Variants in AGMO observed in about 807,000 individuals in gnomAD.
The protein encoded by AGMO is glyceryl-ether monooxygenase.
A neutral mutation model predicts 60.2 loss-of-function variants in AGMO; 75 were observed. That is an observed-to-expected ratio of 1.25 (90% CI 1.03 to 1.51). The LOEUF (loss-of-function observed/expected upper bound fraction) is 1.51, where lower values mean the gene tolerates loss of function less well. Ranked by LOEUF, AGMO falls within the 40% of genes most tolerant of loss-of-function variation. The pLI is 0.00. For missense variants in AGMO, 763 were observed against 525.5 expected (o/e 1.45, Z -4.42); for synonymous variants, 261 against 177.1 (o/e 1.47, Z -3.76).
intron 10 of AGMO, among the ~76,000 whole-genome samples, chr7:15,385,094 G>A (rs1351369724): frequency 6.6e-6 from 1 of 152,150 alleles, no homozygotes; most frequent in East Asian, 1.9e-4. Flanking sequence ...AGGTAAGTAT[G>A]TTGAAACTGA....
chr7:15,355,711 G>A (rs1782505760), intron 12 of AGMO, among the ~76,000 whole-genome samples: 1 of 151,964 alleles, frequency 6.6e-6, no homozygotes, highest in Non-Finnish European at 1.5e-5. Flanking sequence ...AATAATAATG[G>A]ATGGTATAAT....
intron 5 of AGMO, among the ~76,000 whole-genome samples, chr7:15,395,482 T>C (rs1388796871): frequency 1.3e-5 from 2 of 151,892 alleles, no homozygotes; most frequent in Non-Finnish European, 2.9e-5. Flanking sequence ...TAGGAAAAAA[T>C]ATTTTCATTG....
At chr7:15,235,491 T>A (rs1782390016) in intron 12 of AGMO, among the ~76,000 whole-genome samples, 1 of 152,300 alleles carries the variant, frequency 6.6e-6, no homozygotes, top group East Asian at 1.9e-4. Context: ...CAGAGTATTA[T>A]AATTAAAAAT....
At chr7:15,317,013 T>G (rs1029554448) in intron 12 of AGMO, among the ~76,000 whole-genome samples, 1 of 152,194 alleles carries the variant, frequency 6.6e-6, no homozygotes, top group Non-Finnish European at 1.5e-5. Flanking sequence ...ATCAAGCATA[T>G]CCACATGTGG....
At chr7:15,492,892 T>A (rs1783105956) in intron 3 of AGMO, among the ~76,000 whole-genome samples, 1 of 152,158 alleles carries the variant, frequency 6.6e-6, no homozygotes. Flanking sequence ...CTCTGTCTTC[T>A]CCTACATCTT....
the AGMO span, among the ~76,000 whole-genome samples, chr7:15,137,832 C>T: frequency 6.6e-6 from 1 of 152,048 alleles, no homozygotes; most frequent in African/African-American, 2.4e-5. Context: ...AGAGCAGAAT[C>T]ATAGGTTAAG....
rs547322402 is a variant in AGMO at position 15,397,554 on chromosome 7, C to T, written c.610-3375G>A. Among the ~76,000 whole-genome samples the T allele has an allele frequency of 1.3e-3, 203 of 152,320 alleles. 1 individual carries two copies. The highest frequency in any genetic ancestry group is 3.3e-3 in the South Asian group (16 of 4,830). ...AGCAAGGGCTGCTAGCACGTTGTTA[C>T]CTCTCACTACCTACCTTACTTTCCT... On this transcript the variant is annotated intron_variant, in intron 5 of 12. Transcript: ENST00000342526.
intron 12 of AGMO, among the ~76,000 whole-genome samples, chr7:15,324,354 T>A (rs1781273298): frequency 6.6e-6 from 1 of 152,152 alleles, no homozygotes; most frequent in Non-Finnish European, 1.5e-5. Context: ...GATCCCAAGG[T>A]CAGCTCTCCT....
the AGMO span, among the ~76,000 whole-genome samples, chr7:15,174,391 A>G: frequency 1.3e-5 from 2 of 152,130 alleles, no homozygotes; most frequent in Non-Finnish European, 2.9e-5. Context: ...GTAATCATAT[A>G]TTACTTTTGT....
At chr7:15,500,145 A>T in intron 3 of AGMO, among the ~76,000 whole-genome samples, 1 of 151,960 alleles carries the variant, frequency 6.6e-6, no homozygotes, top group Admixed American at 6.6e-5. Context: ...TAAAATTTGT[A>T]AAAGCAATTC....
At chr7:15,181,685 G>T in the AGMO span, among the ~76,000 whole-genome samples, 1 of 151,946 alleles carries the variant, frequency 6.6e-6, no homozygotes, top group Non-Finnish European at 1.5e-5. Flanking sequence ...TCACTATAAC[G>T]GAAAAATTCT....
chr7:15,469,084 G>A lies in AGMO; in HGVS notation c.410-37976C>T, dbSNP rs1054771623. 1.2e-3 allele frequency among the ~76,000 whole-genome samples: 175 copies of A among 152,068 alleles called. 4 individuals carry two copies. The highest frequency in any genetic ancestry group is 0.011 in the Admixed American group (166 of 15,226). On this transcript the variant is annotated intron_variant, in intron 3 of 12. Transcript: ENST00000342526. ...ATGTGGGAATGTACGGGTTGTTTTC[G>A]TTGCATGTTACACAGTGAGTGTATA... is the stretch of plus-strand genomic sequence containing the variant.
chr7:15,499,573 TGTAAG>T (rs1199829595), intron 3 of AGMO, among the ~76,000 whole-genome samples: 2 of 151,830 alleles, frequency 1.3e-5, no homozygotes, highest in Non-Finnish European at 2.9e-5. Flanking sequence ...TCAACCCCAC[TGTAAG>T]GGAATTTCCA....
At chr7:15,141,492 A>G in the AGMO span, among the ~76,000 whole-genome samples, 1 of 152,104 alleles carries the variant, frequency 6.6e-6, no homozygotes, top group African/African-American at 2.4e-5. Flanking sequence ...AGGCTGAGGC[A>G]GGAGAATTGC....
intron 12 of AGMO, among the ~76,000 whole-genome samples, chr7:15,300,635 C>G (rs907089064): frequency 3.3e-5 from 5 of 152,152 alleles, no homozygotes; most frequent in African/African-American, 1.2e-4. Flanking sequence ...AACACTCATA[C>G]TACACTCAAA....
At chr7:15,362,053 C>T (rs1219561810) in intron 12 of AGMO, among the ~76,000 whole-genome samples, 1 of 152,150 alleles carries the variant, frequency 6.6e-6, no homozygotes, top group African/African-American at 2.4e-5. Flanking sequence ...AGTACAATCA[C>T]TCCTAGTCAG....
chr7:15,381,091 G>C (rs1430928326), intron 10 of AGMO, among the ~76,000 whole-genome samples: 2 of 152,040 alleles, frequency 1.3e-5, no homozygotes, highest in East Asian at 3.9e-4. Context: ...AGACAACCTA[G>C]GCAATACCAT....
At chr7:15,389,033 G>A (rs562735027) in intron 8 of AGMO, among the ~76,000 whole-genome samples, 2 of 152,252 alleles carry the variant, frequency 1.3e-5, no homozygotes, top group Non-Finnish European at 1.5e-5. Context: ...TATGTGTGCA[G>A]CTCTTATTGT....
In AGMO at chr7:15,535,336, A is replaced by G. The variant is rs868640143; in HGVS notation, c.409+9436T>C. Among the ~76,000 whole-genome samples, 22 of 151,892 alleles carry G rather than the reference A, an allele frequency of 1.4e-4. No individual in the cohort carries two copies. The Middle Eastern group carries it at 9.5e-3, about 66-fold the overall frequency. ...TATTTTTCTAGGAATGGGGGGGCAT[A>G]CTCTTTCTTTTTACCTTTGGAATAA... On this transcript the variant is annotated intron_variant, in intron 3 of 12. Coordinates refer to ENST00000342526, the MANE Select transcript of AGMO (RefSeq NM_001004320.2).
Sources: allele counts gnomAD v4.1 joint callset (sites outside exome capture counted in the v4.1 genomes callset), GRCh38; gene constraint gnomAD v4.1.1; transcripts MANE v1.5; gene names NCBI Gene and HGNC (gene_info 2026-07-23, HGNC 2026-07-21).